Variants in LRP1B observed in about 807,000 individuals in gnomAD.
LRP1B encodes low-density lipoprotein receptor-related protein 1B.
In LRP1B, 217 loss-of-function variants were observed where a neutral mutation model predicts 556.6. The ratio of observed to expected loss-of-function variants is 0.39; its 90% CI spans 0.35 to 0.44. The LOEUF (loss-of-function observed/expected upper bound fraction) is 0.44, where lower values mean the gene tolerates loss of function less well. Among genes scored for constraint, LRP1B ranks in the 20% least tolerant of loss-of-function variants. LRP1B has a pLI of 1.00. For missense variants in LRP1B, 5,053 were observed against 5,620.8 expected (o/e 0.90, Z 3.23); for synonymous variants, 2,047 against 1,865.8 (o/e 1.10, Z -2.50).
At chr2:141,938,927 T>C (rs1700713662) in intron 1 of LRP1B, among the ~76,000 whole-genome samples, 1 of 152,030 alleles carries the variant, frequency 6.6e-6, no homozygotes. Context: ...ACCTCACTTA[T>C]ATGTGGAGTC....
intron 4 of LRP1B, among the ~76,000 whole-genome samples, chr2:141,247,886 T>C (rs1684124813): frequency 6.6e-6 from 1 of 152,170 alleles, no homozygotes; most frequent in Non-Finnish European, 1.5e-5. Flanking sequence ...CTACAGATAT[T>C]AAATTAAATT....
chr2:141,258,811 C>T (rs879755707), intron 3 of LRP1B, among the ~76,000 whole-genome samples: 2 of 152,136 alleles, frequency 1.3e-5, no homozygotes, highest in Admixed American at 6.6e-5. Context: ...CCATGTAAGA[C>T]GTGCCTCCTT....
intron 1 of LRP1B, among the ~76,000 whole-genome samples, chr2:142,016,468 C>T (rs1703133164): frequency 6.6e-6 from 1 of 152,148 alleles, no homozygotes; most frequent in East Asian, 1.9e-4. Context: ...GAAAATGTGG[C>T]ACATATACAC....
At chr2:141,707,072 T>C (rs1012186807) in intron 2 of LRP1B, among the ~76,000 whole-genome samples, 1 of 152,202 alleles carries the variant, frequency 6.6e-6, no homozygotes, top group African/African-American at 2.4e-5. Context: ...GTAATAAGTT[T>C]TAGGTCTCTG....
intron 83 of LRP1B, among the ~76,000 whole-genome samples, chr2:140,312,596 TACTA>T (rs1684351879): frequency 6.6e-6 from 1 of 151,966 alleles, no homozygotes; most frequent in Non-Finnish European, 1.5e-5. Context: ...AAATGCTTAA[TACTA>T]TGCTTTACTC....
chr2:140,597,658 C>T (rs1201135413), intron 43 of LRP1B, among the ~76,000 whole-genome samples: 1 of 152,048 alleles, frequency 6.6e-6, no homozygotes, highest in Non-Finnish European at 1.5e-5. Context: ...GTGTGCTTAG[C>T]CATAGAGAAT....
At chr2:140,705,977 C>G (rs1686823304) in intron 37 of LRP1B, among the ~76,000 whole-genome samples, 1 of 152,060 alleles carries the variant, frequency 6.6e-6, no homozygotes, top group African/African-American at 2.4e-5. Context: ...GGAATTTGCA[C>G]CTTGAGAAAC....
At chr2:140,404,468 G>A (rs1238030296) in intron 66 of LRP1B, among the ~76,000 whole-genome samples, 2 of 151,816 alleles carry the variant, frequency 1.3e-5, no homozygotes, top group Non-Finnish European at 2.9e-5. Context: ...CACCGTGCCT[G>A]GCCAGTAGAA....
intron 2 of LRP1B, among the ~76,000 whole-genome samples, chr2:141,522,761 C>T (rs900187937): frequency 1.3e-5 from 2 of 152,116 alleles, no homozygotes; most frequent in African/African-American, 2.4e-5. Context: ...TGAAAAATTG[C>T]TTTTAAAAAA....
chr2:141,471,422 C>G (rs1024624722), intron 3 of LRP1B, among the ~76,000 whole-genome samples: 4 of 152,054 alleles, frequency 2.6e-5, no homozygotes, highest in African/African-American at 9.7e-5. Context: ...TCACTACACT[C>G]AAGTATGTAT....
chr2:141,884,354 G>C (rs1699046641), intron 1 of LRP1B, among the ~76,000 whole-genome samples: 1 of 152,116 alleles, frequency 6.6e-6, no homozygotes, highest in Non-Finnish European at 1.5e-5. Context: ...CAGCCTGGGT[G>C]ATAGAGAAAG....
At chr2:140,719,711 C>T (rs1687335791) in intron 35 of LRP1B, among the ~76,000 whole-genome samples, 1 of 152,028 alleles carries the variant, frequency 6.6e-6, no homozygotes, top group Non-Finnish European at 1.5e-5. Flanking sequence ...CATGAGATCA[C>T]AGCATTGAGG....
At chr2:141,214,533 C>T (rs1205374200) in intron 6 of LRP1B, among the ~76,000 whole-genome samples, 2 of 152,062 alleles carry the variant, frequency 1.3e-5, no homozygotes, top group Non-Finnish European at 2.9e-5. Flanking sequence ...TCTACTCAGC[C>T]TAAGTGGAAT....
intron 84 of LRP1B, among the ~76,000 whole-genome samples, chr2:140,286,472 C>A (rs1238014972): frequency 1.3e-5 from 2 of 151,754 alleles, no homozygotes; most frequent in East Asian, 3.9e-4. Context: ...GATCAGTGAA[C>A]CAACTATTGG....
intron 2 of LRP1B, among the ~76,000 whole-genome samples, chr2:141,776,141 C>T (rs540428414): frequency 2.0e-5 from 3 of 152,212 alleles, no homozygotes; most frequent in Middle Eastern, 3.4e-3. Flanking sequence ...CCACCAGCCC[C>T]GCCAAGTTTT....
At chr2:140,484,893 T>C (rs1471789879) in intron 59 of LRP1B, among the ~76,000 whole-genome samples, 2 of 152,260 alleles carry the variant, frequency 1.3e-5, no homozygotes, top group East Asian at 1.9e-4. Flanking sequence ...CACATGATAA[T>C]GCACCCTGTC....
chr2:140,971,168 T>C (rs918795829), intron 18 of LRP1B, among the ~76,000 whole-genome samples: 4 of 152,212 alleles, frequency 2.6e-5, no homozygotes, highest in African/African-American at 9.6e-5. Context: ...GATCTCAGTA[T>C]GAGATCATCC....
chr2:141,209,497 T>C (rs1246823405), intron 6 of LRP1B, among the ~76,000 whole-genome samples: 1 of 152,198 alleles, frequency 6.6e-6, no homozygotes, highest in Non-Finnish European at 1.5e-5. Context: ...TTATCAGCAG[T>C]GTGAGAACGG....
At chr2:141,202,028 C>T (rs1207866672) in intron 6 of LRP1B, among the ~76,000 whole-genome samples, 2 of 151,556 alleles carry the variant, frequency 1.3e-5, no homozygotes, top group Admixed American at 6.6e-5. Flanking sequence ...TAAACATATG[C>T]CATGATGGTT....
Sources: gnomAD v4.1 joint callset for allele counts (sites outside exome capture counted in the v4.1 genomes callset) on GRCh38, gnomAD v4.1.1 for gene constraint, MANE v1.5 for transcripts, NCBI Gene and HGNC (gene_info 2026-07-23, HGNC 2026-07-21) for gene names.